The following PCSK2 variants were observed in gnomAD, a reference collection of about 807,000 sequenced individuals.
The protein encoded by PCSK2 is proprotein convertase subtilisin/kexin type 2.
In PCSK2, 14 loss-of-function variants were observed where a neutral mutation model predicts 69.7. The ratio of observed to expected loss-of-function variants is 0.20; its 90% CI spans 0.13 to 0.31. The LOEUF (loss-of-function observed/expected upper bound fraction) is 0.31, where lower values mean the gene tolerates loss of function less well. PCSK2 is among the 10% of genes least tolerant of loss of function. The probability of loss-of-function intolerance (pLI) is 1.00; values close to 1 mark genes in which losing one functional copy is unlikely to be tolerated. For missense variants in PCSK2, 544 were observed against 842.5 expected (o/e 0.65, Z 4.39); for synonymous variants, 307 against 320.7 (o/e 0.96, Z 0.46).
At chr20:17,281,106 A>G (rs1447138250) in intron 2 of PCSK2, among the ~76,000 whole-genome samples, 2 of 152,160 alleles carry the variant, frequency 1.3e-5, no homozygotes, top group African/African-American at 2.4e-5. Flanking sequence ...GGTGAGGTTC[A>G]CCTTCAAGAC....
At position 17,453,615 on chromosome 20, in the gene PCSK2, G is replaced by C. The variant is rs2032866010; in HGVS notation, c.886-127G>C. On this transcript the variant is annotated intron_variant, in intron 8 of 11. Transcript: ENST00000262545. This position sits in a 1 kb window ranked among gnomAD's most constrained non-coding sequence, Gnocchi z 4.0. ...CCAGAAGGATATGGTGTCCAACCCA[G>C]TTTAAAAAGTGCACCCAGTCTTTAG... 1.1e-6 allele frequency: 1 copy of C among 918,554 alleles called. No homozygotes were observed. The highest frequency in any genetic ancestry group is 1.7e-5 in the African/African-American group (1 of 60,258). The allele number at this position is 918,554 out of a possible 1,614,324, so 56.9% of individuals were successfully genotyped here.
chr20:17,288,568 G>C (rs1988596670), intron 2 of PCSK2, among the ~76,000 whole-genome samples: 2 of 152,190 alleles, frequency 1.3e-5, no homozygotes, highest in Non-Finnish European at 2.9e-5. Flanking sequence ...CTCAGAATTA[G>C]ACTGTAATTG....
chr20:17,434,954 A>G lies in PCSK2; in HGVS notation c.710-1754A>G, dbSNP rs148951396. On this transcript the variant is annotated intron_variant, in intron 7 of 11. Transcript: ENST00000262545. ...TAAATAAAAACATAGGTGGACCAAA[A>G]GCAAAATACAGAGTCTTAAATTTCC... 9.0e-3 allele frequency among the ~76,000 whole-genome samples: 1,364 copies of G among 152,330 alleles called. 7 individuals carry two copies. The highest frequency in any genetic ancestry group is 0.015 in the South Asian group (74 of 4,822).
chr20:17,387,253 G>A (rs371766154), intron 5 of PCSK2, among the ~76,000 whole-genome samples: 11 of 152,284 alleles, frequency 7.2e-5, no homozygotes, highest in African/African-American at 2.4e-4. Context: ...ACCAGAAACT[G>A]TAGTATATTA....
At chr20:17,437,116 C>T (rs1326260949) in intron 8 of PCSK2, among the ~76,000 whole-genome samples, 5 of 131,592 alleles carry the variant, frequency 3.8e-5, no homozygotes, top group East Asian at 4.2e-4. Flanking sequence ...CTCCTGCAAA[C>T]GACAGTGGGA....
intron 2 of PCSK2, among the ~76,000 whole-genome samples, chr20:17,331,294 C>G (rs1258056161): frequency 1.1e-4 from 16 of 152,194 alleles, no homozygotes; most frequent in Non-Finnish European, 1.8e-4. Flanking sequence ...ATTAGATTCT[C>G]AAATAACCCC....
chr20:17,464,147 T>C (rs1470525445), intron 10 of PCSK2: 1 of 152,206 alleles, frequency 6.6e-6, no homozygotes, highest in Non-Finnish European at 1.5e-5. Flanking sequence ...TTTAACAGTT[T>C]CCAATGCCTG....
At chr20:17,288,033 T>C (rs996569744) in intron 2 of PCSK2, among the ~76,000 whole-genome samples, 2 of 152,182 alleles carry the variant, frequency 1.3e-5, no homozygotes, top group Non-Finnish European at 2.9e-5. Context: ...TGATGAGCTC[T>C]CACCCAAGGG....
intron 2 of PCSK2, among the ~76,000 whole-genome samples, chr20:17,262,577 G>A (rs1011466306): frequency 1.6e-4 from 25 of 152,048 alleles, no homozygotes; most frequent in African/African-American, 5.8e-4. Flanking sequence ...TCTGCTGATA[G>A]AAAAATAGAG....
At chr20:17,401,855 A>C (rs985732035) in intron 5 of PCSK2, among the ~76,000 whole-genome samples, 3 of 152,170 alleles carry the variant, frequency 2.0e-5, no homozygotes, top group African/African-American at 7.2e-5. Flanking sequence ...TAACAATGTA[A>C]ATTTTTCCAC....
intron 1 of PCSK2, among the ~76,000 whole-genome samples, chr20:17,248,185 T>TGC (rs1986841049): frequency 3.2e-5 from 3 of 94,906 alleles, no homozygotes; most frequent in Non-Finnish European, 8.3e-5. Flanking sequence ...GGTGTGTGTG[T>TGC]GTGTGTGTGT....
At chr20:17,279,995 A>AAC (rs1346613776) in intron 2 of PCSK2, among the ~76,000 whole-genome samples, 1 of 152,014 alleles carries the variant, frequency 6.6e-6, no homozygotes, top group Non-Finnish European at 1.5e-5. Flanking sequence ...AGAAGACAAA[A>AAC]AAAAAAAACA....
At chr20:17,426,520 G>A (rs2123332617) in intron 6 of PCSK2, among the ~76,000 whole-genome samples, 1 of 152,324 alleles carries the variant, frequency 6.6e-6, no homozygotes, top group South Asian at 2.1e-4. Flanking sequence ...GTTCTCCAGA[G>A]AACAGAACCA....
intron 5 of PCSK2, among the ~76,000 whole-genome samples, chr20:17,392,384 A>G (rs1365339149): frequency 6.6e-6 from 1 of 152,264 alleles, no homozygotes; most frequent in Non-Finnish European, 1.5e-5. Flanking sequence ...ATTAGAAATC[A>G]TCATAATTTT....
At chr20:17,255,749 T>C (rs187220703) in intron 1 of PCSK2, among the ~76,000 whole-genome samples, 1 of 152,350 alleles carries the variant, frequency 6.6e-6, no homozygotes, top group African/African-American at 2.4e-5. Context: ...ATTCTATTGA[T>C]ATATTTATTA....
chr20:17,463,508 CT>C lies in PCSK2; in HGVS notation c.1203-1807del, dbSNP rs199610440. The C allele has an allele frequency of 2.3e-3, 339 of 146,590 alleles. 2 individuals are homozygous for C. Among genetic ancestry groups the C allele is most frequent in the African/African-American group, 7.0e-3 (282 of 40,022 alleles). The allele number at this position is 146,590 out of a possible 1,614,324, so 9.1% of individuals were successfully genotyped here. Reference sequence around the variant, plus strand: ...TGGAACTTGCTTCTTTTCTTTTTTTCTTTTTTTTTTTAATTATACTTTTAAG... The same window carrying C: ...TGGAACTTGCTTCTTTTCTTTTTTTCTTTTTTTTTTAATTATACTTTTAAG... On this transcript the variant is annotated intron_variant, in intron 10 of 11. Coordinates refer to ENST00000262545, the MANE Select transcript of PCSK2 (RefSeq NM_002594.5).
intron 5 of PCSK2, among the ~76,000 whole-genome samples, chr20:17,376,452 G>A (rs2030929548): frequency 6.6e-6 from 1 of 152,200 alleles, no homozygotes; most frequent in South Asian, 2.1e-4. Flanking sequence ...TACTTGAGGT[G>A]TACCCCAGTC....
chr20:17,383,934 A>G (rs2031159426), intron 5 of PCSK2, among the ~76,000 whole-genome samples: 1 of 152,230 alleles, frequency 6.6e-6, no homozygotes, highest in African/African-American at 2.4e-5. Flanking sequence ...TAAAATATCA[A>G]TTTAAATGCA....
At chr20:17,310,676 A>G (rs903113494) in intron 2 of PCSK2, among the ~76,000 whole-genome samples, 1 of 150,282 alleles carries the variant, frequency 6.7e-6, no homozygotes, top group Non-Finnish European at 1.5e-5. Flanking sequence ...TAGGTCATAT[A>G]GCATCCTGCA....
Sources: allele counts gnomAD v4.1 joint callset (sites outside exome capture counted in the v4.1 genomes callset), GRCh38; gene constraint gnomAD v4.1.1; non-coding constraint Gnocchi (gnomAD v3.1); transcripts MANE v1.5; gene names NCBI Gene and HGNC (gene_info 2026-07-23, HGNC 2026-07-21).